Variants in PUS7 observed in about 807,000 individuals in gnomAD.
The protein encoded by PUS7 is pseudouridine synthase 7.
A neutral mutation model predicts 79.8 loss-of-function variants in PUS7; 48 were observed. That is an observed-to-expected ratio of 0.60 (90% CI 0.48 to 0.76). PUS7 has a LOEUF of 0.76. PUS7 is among the 30% of genes least tolerant of loss of function. The probability of loss-of-function intolerance (pLI) is 0.00; values close to 1 mark genes in which losing one functional copy is unlikely to be tolerated. For synonymous variants in PUS7, 286 were observed against 272.2 expected (o/e 1.05, Z -0.50); for missense variants, 729 against 797.6 (o/e 0.91, Z 1.04).
intron 11 of PUS7, 112 bp from the exon 12 acceptor site, chr7:105,468,575 T>A: frequency 1.1e-6 from 1 of 936,902 alleles, no homozygotes; most frequent in Non-Finnish European, 1.6e-6. Context: ...TGGAGTGCAG[T>A]GGCACGATCT....
intron 6 of PUS7, among the ~76,000 whole-genome samples, chr7:105,494,257 T>C (rs558141616): frequency 7.9e-5 from 12 of 152,348 alleles, no homozygotes; most frequent in African/African-American, 1.7e-4. Flanking sequence ...CATTTACTTA[T>C]GGAATTTTCA....
intron 1 of PUS7, among the ~76,000 whole-genome samples, chr7:105,517,759 T>C (rs535440689): frequency 6.6e-6 from 1 of 151,824 alleles, no homozygotes. Flanking sequence ...GGAGACTTCA[T>C]CTCTGAAAAA....
rs1315272372 is a variant in PUS7 at position 105,508,395 on chromosome 7, G to A, written c.118C>T (p.Leu40=). 6 of 1,614,126 alleles carry A rather than the reference G, an allele frequency of 3.7e-6. No individual in the cohort carries two copies. The stretch of plus-strand genomic sequence containing the variant: ...TGTAGCCCATCTTGACCTTTGGTTA[G>A]ACTGCATTCCGACAGCTTCTGTTTT... ...TKKQKLSECS[L]TKGQDGLQND... The change falls in exon 2 of 16, where the codon CTA becomes TTA. Residue 40 remains leucine (L), a synonymous_variant. Transcript: ENST00000469408.
rs1823839898 is a variant in PUS7 at position 105,470,749 on chromosome 7, C to T, written c.1337G>A (p.Gly446Glu). ...TTTTGAAAGTCCTCGAAGCAGCTGC[C>T]CTTCCACACACCTTTTGACAGGTAG... ...RKLPVKRCVE[G>E]QLLRGLSKYG... is the part of the protein sequence containing the mutation. Residue 446 changes from glycine (G) to glutamate (E), a missense_variant, in exon 11 of 16, where the codon GGG becomes GAG. By Grantham distance (98) the Gly-to-Glu change is moderately conservative (BLOSUM62 -2). Transcript: ENST00000469408. The T allele has an allele frequency of 6.2e-7, 1 of 1,611,990 alleles. No individual in the cohort carries two copies. The highest frequency in any genetic ancestry group is 1.3e-5 in the African/African-American group (1 of 74,906).
At chr7:105,507,427 C>A (rs1431180946) in intron 2 of PUS7, among the ~76,000 whole-genome samples, 2 of 152,182 alleles carry the variant, frequency 1.3e-5, no homozygotes, top group African/African-American at 2.4e-5. Flanking sequence ...TGGGATCCAC[C>A]TGGCTCCAAA....
intron 5 of PUS7, among the ~76,000 whole-genome samples, chr7:105,498,850 C>G (rs1298144446): frequency 6.6e-6 from 1 of 152,174 alleles, no homozygotes; most frequent in Non-Finnish European, 1.5e-5. Context: ...AGGTCTGGAA[C>G]TCCAGGCCTC....
At chr7:105,494,756 C>T (rs1338521183) in intron 6 of PUS7, among the ~76,000 whole-genome samples, 2 of 151,932 alleles carry the variant, frequency 1.3e-5, no homozygotes, top group South Asian at 2.1e-4. Flanking sequence ...AGTGTGAGGA[C>T]TGCTTGAGCA....
intron 9 of PUS7, among the ~76,000 whole-genome samples, chr7:105,479,671 A>G (rs1824239472): frequency 6.6e-6 from 1 of 152,198 alleles, no homozygotes; most frequent in African/African-American, 2.4e-5. Context: ...ATTCCATGTC[A>G]CTAATTTTAT....
At chr7:105,462,861 A>G (rs1823492282) in intron 13 of PUS7, 111 bp from the exon 14 acceptor site, 1 of 988,286 alleles carries the variant, frequency 1.0e-6, no homozygotes, top group Non-Finnish European at 1.5e-6. Flanking sequence ...CCCTAATAAA[A>G]TTAGTCACCT....
intron 1 of PUS7, among the ~76,000 whole-genome samples, chr7:105,514,897 T>C (rs1825837287): frequency 6.6e-6 from 1 of 151,804 alleles, no homozygotes; most frequent in South Asian, 2.1e-4. Flanking sequence ...GCTCACGCCA[T>C]TCTCCTGCCT....
chr7:105,520,115 G>C (rs1234229148), intron 1 of PUS7, among the ~76,000 whole-genome samples: 2 of 152,104 alleles, frequency 1.3e-5, no homozygotes, highest in Non-Finnish European at 2.9e-5. Context: ...CCTGAAGTCT[G>C]AAGTTCAAGA....
intron 6 of PUS7, among the ~76,000 whole-genome samples, chr7:105,494,435 G>C (rs887894519): frequency 7.6e-6 from 1 of 132,056 alleles, no homozygotes; most frequent in African/African-American, 2.8e-5. Context: ...TTTTGAGATG[G>C]AGTCTTGCTC....
chr7:105,509,616 G>A (rs1825628910), intron 1 of PUS7, among the ~76,000 whole-genome samples: 1 of 152,006 alleles, frequency 6.6e-6, no homozygotes, highest in African/African-American at 2.4e-5. Flanking sequence ...GACTACAGCA[G>A]CATGCCACCA....
At chr7:105,491,684 C>A in intron 6 of PUS7, 67 bp from the exon 7 acceptor site, 2 of 930,296 alleles carry the variant, frequency 2.1e-6, no homozygotes, top group South Asian at 3.0e-5. Context: ...TCCTAATTCT[C>A]ATAATTTAAG....
Position 105,522,236 on chromosome 7 carries a change from C to T in PUS7, c.-217G>A, listed in dbSNP as rs996337745. On this transcript the variant is annotated 5_prime_UTR_variant, in exon 1 of 16. Coordinates refer to ENST00000469408, the MANE Select transcript of PUS7 (RefSeq NM_019042.5). ...GCCGACTCACCGGCGGCCGGGCTCG[C>T]ACACGTGCGGCGCAGCGACGCGCCG... The T allele has an allele frequency of 2.0e-5, 3 of 151,746 alleles. No homozygotes were observed. Among genetic ancestry groups the T allele is most frequent in the Non-Finnish European group, 4.4e-5 (3 of 67,908 alleles). The allele number at this position is 151,746 out of a possible 1,614,324, so 9.4% of individuals were successfully genotyped here. A position where few individuals can be genotyped will look rare whatever the true frequency, so the allele number is the denominator to read the frequency against.
rs1824213905 is a variant in PUS7, at chr7:105,478,997, G to A, written c.1175+2055C>T. 3.3e-5 allele frequency among the ~76,000 whole-genome samples: 5 copies of A among 152,268 alleles called. No individual in the cohort carries two copies. The South Asian group carries it at 1.0e-3, about 32-fold the overall frequency. On this transcript the variant is annotated intron_variant, in intron 9 of 15. Transcript: ENST00000469408. Reference sequence around the variant, plus strand: ...CAAATTAATTACAAATTTACAGGTTGATACAGTGCTCCCTTATTCTGTCCC... The same window carrying A: ...CAAATTAATTACAAATTTACAGGTTAATACAGTGCTCCCTTATTCTGTCCC...
At chr7:105,461,819 G>T (rs1381772927) in intron 14 of PUS7, among the ~76,000 whole-genome samples, 1 of 152,226 alleles carries the variant, frequency 6.6e-6, no homozygotes, top group African/African-American at 2.4e-5. Flanking sequence ...TATACAGCAT[G>T]TTACTGTACT....
chr7:105,498,605 G>A (rs1229706298), intron 5 of PUS7, among the ~76,000 whole-genome samples: 2 of 152,162 alleles, frequency 1.3e-5, no homozygotes, highest in African/African-American at 2.4e-5. Flanking sequence ...AGCTGAGAAA[G>A]ATGAAAAGAT....
chr7:105,499,277 AT>A (rs1586157859), intron 5 of PUS7, among the ~76,000 whole-genome samples: 1 of 152,160 alleles, frequency 6.6e-6, no homozygotes, highest in African/African-American at 2.4e-5. Context: ...GGGATTCCCT[AT>A]TCCTGTGGAT....
Sources: allele counts gnomAD v4.1 joint callset (sites outside exome capture counted in the v4.1 genomes callset), GRCh38; gene constraint gnomAD v4.1.1; transcripts MANE v1.5; gene names NCBI Gene and HGNC (gene_info 2026-07-23, HGNC 2026-07-21).